The following ITPRID1 variants were observed in gnomAD, a reference collection of about 807,000 sequenced individuals.
ITPRID1 encodes ITPR interacting domain containing 1.
A neutral mutation model predicts 95.4 loss-of-function variants in ITPRID1; 96 were observed. That is an observed-to-expected ratio of 1.01 (90% CI 0.85 to 1.19). The LOEUF (loss-of-function observed/expected upper bound fraction) is 1.19. Ranked by LOEUF, ITPRID1 falls within the 50% of genes most tolerant of loss-of-function variation. ITPRID1 has a pLI of 0.00. For missense variants in ITPRID1, 1,339 were observed against 1,252.9 expected (o/e 1.07, Z -1.04); for synonymous variants, 510 against 453.6 (o/e 1.12, Z -1.58).
At chr7:31,522,786 C>T (rs955935019) in intron 1 of ITPRID1, among the ~76,000 whole-genome samples, 3 of 152,070 alleles carry the variant, frequency 2.0e-5, no homozygotes, top group East Asian at 1.9e-4. Context: ...CCAAAACTCC[C>T]GTATTCTTTA....
intron 10 of ITPRID1, among the ~76,000 whole-genome samples, chr7:31,633,339 G>A (rs939039208): frequency 7.2e-5 from 11 of 152,098 alleles, no homozygotes; most frequent in South Asian, 2.1e-4. Context: ...ATACAAAGAC[G>A]AATTTCCTAA....
chr7:31,648,819 T>C (rs1281698538), intron 12 of ITPRID1, among the ~76,000 whole-genome samples: 1 of 152,224 alleles, frequency 6.6e-6, no homozygotes, highest in Non-Finnish European at 1.5e-5. Context: ...TCAGCTATAC[T>C]GTGGTCCCTG....
intron 10 of ITPRID1, among the ~76,000 whole-genome samples, chr7:31,590,739 C>G (rs771860050): frequency 3.3e-5 from 5 of 152,170 alleles, no homozygotes; most frequent in Admixed American, 3.3e-4. Flanking sequence ...CAGTAAGAAG[C>G]CTGCAAGGAG....
intron 5 of ITPRID1, among the ~76,000 whole-genome samples, chr7:31,566,078 A>G (rs372425622): frequency 5.9e-5 from 9 of 152,170 alleles, no homozygotes; most frequent in African/African-American, 2.2e-4. Context: ...AAGTGACAGG[A>G]CACAGGGCGT....
At chr7:31,538,162 A>G (rs1480129747) in intron 1 of ITPRID1, among the ~76,000 whole-genome samples, 1 of 152,226 alleles carries the variant, frequency 6.6e-6, no homozygotes, top group Non-Finnish European at 1.5e-5. Context: ...AGGCTATACA[A>G]TAAAAAGGAC....
chr7:31,647,693 A>G (rs13306946), intron 12 of ITPRID1, among the ~76,000 whole-genome samples: 236 of 67,368 alleles, frequency 3.5e-3, no homozygotes, highest in African/African-American at 0.012. Context: ...AAAAAAAAAA[A>G]AAGAAGAGGA....
intron 5 of ITPRID1, among the ~76,000 whole-genome samples, chr7:31,562,044 TAAAAAAAA>T (rs33912394): frequency 7.6e-5 from 4 of 52,510 alleles, no homozygotes; most frequent in African/African-American, 1.4e-4. Context: ...GCTATGTATT[TAAAAAAAA>T]AAAAAAAAAA....
intron 1 of ITPRID1, among the ~76,000 whole-genome samples, chr7:31,538,297 G>A (rs753475362): frequency 3.3e-5 from 5 of 152,042 alleles, no homozygotes; most frequent in South Asian, 2.1e-4. Flanking sequence ...AGTGTCTTTC[G>A]AGAGTAAATT....
chr7:31,581,563 T>C (rs1785405701), intron 9 of ITPRID1, among the ~76,000 whole-genome samples: 1 of 152,180 alleles, frequency 6.6e-6, no homozygotes, highest in Admixed American at 6.5e-5. Flanking sequence ...ATTAACCATA[T>C]TATTAAACAA....
At chr7:31,623,449 T>C (rs1039685167) in intron 10 of ITPRID1, among the ~76,000 whole-genome samples, 24 of 151,562 alleles carry the variant, frequency 1.6e-4, no homozygotes, top group Non-Finnish European at 4.4e-5. Flanking sequence ...GCTGGTTCAA[T>C]ATACGCAAAT....
At chr7:31,601,315 T>A (rs544671597) in intron 10 of ITPRID1, among the ~76,000 whole-genome samples, 6 of 152,200 alleles carry the variant, frequency 3.9e-5, no homozygotes, top group Non-Finnish European at 7.3e-5. Flanking sequence ...TTTACACATA[T>A]TAATTCATGG....
chr7:31,642,334 C>G (rs1790099318), intron 11 of ITPRID1, 76 bp downstream of exon 11: 1 of 978,988 alleles, frequency 1.0e-6, no homozygotes, highest in Non-Finnish European at 1.5e-6. Flanking sequence ...GGCTGCCACC[C>G]AAACCTCACT....
intron 1 of ITPRID1, among the ~76,000 whole-genome samples, chr7:31,521,695 TTCCC>T (rs1202958088): frequency 2.0e-5 from 2 of 102,466 alleles, no homozygotes; most frequent in Non-Finnish European, 3.8e-5. Flanking sequence ...TCCTCCTTTA[TTCCC>T]TCCCTCCCTC....
chr7:31,554,643 C>T (rs1489676556), intron 4 of ITPRID1, 120 bp downstream of exon 4: 3 of 1,288,556 alleles, frequency 2.3e-6, no homozygotes, highest in Non-Finnish European at 3.2e-6. Context: ...TTTAATTGTA[C>T]GTGAAGTATT....
intron 9 of ITPRID1, among the ~76,000 whole-genome samples, chr7:31,580,460 C>T (rs1323974335): frequency 1.3e-5 from 2 of 151,946 alleles, no homozygotes; most frequent in Non-Finnish European, 2.9e-5. Flanking sequence ...AATAAAGTTC[C>T]TAGTAAGCCA....
intron 1 of ITPRID1, among the ~76,000 whole-genome samples, chr7:31,526,921 T>C (rs1176683954): frequency 2.0e-5 from 3 of 152,214 alleles, no homozygotes; most frequent in Non-Finnish European, 4.4e-5. Flanking sequence ...AGTCTGATCA[T>C]GTCACTTCCC....
intron 10 of ITPRID1, among the ~76,000 whole-genome samples, chr7:31,599,584 A>ATTTTCT (rs1211859679): frequency 1.6e-5 from 2 of 124,308 alleles, no homozygotes. Context: ...TTGTTGTGTT[A>ATTTTCT]TTTTCTTTCT....
At position 31,620,928 on chromosome 7, in the gene ITPRID1, G is replaced by GAAAGC. The variant is rs1408129119; in HGVS notation, c.1229-21247_1229-21243dup. Among the ~76,000 whole-genome samples the GAAAGC allele has an allele frequency of 7.9e-5, 12 of 152,150 alleles. No individual in the cohort carries two copies. In the East Asian group the frequency reaches 1.7e-3, roughly 22 times the overall value. On this transcript the variant is annotated intron_variant, in intron 10 of 14. Transcript: ENST00000615280. ...AGTGCTTAAAGGAGCTGATGGAGCTGAAAGCCAAGGCTCAAGAACTATGTG... is the reference window on the plus strand; with the variant it reads ...AGTGCTTAAAGGAGCTGATGGAGCTGAAAGCAAAGCCAAGGCTCAAGAACTATGTG...
chr7:31,603,214 A>C (rs1372513072), intron 10 of ITPRID1, among the ~76,000 whole-genome samples: 1 of 152,164 alleles, frequency 6.6e-6, no homozygotes, highest in Non-Finnish European at 1.5e-5. Context: ...ACATTATGAC[A>C]TGGAACCTCA....
Sources: allele counts gnomAD v4.1 joint callset (sites outside exome capture counted in the v4.1 genomes callset), GRCh38; gene constraint gnomAD v4.1.1; transcripts MANE v1.5; gene names NCBI Gene and HGNC (gene_info 2026-07-23, HGNC 2026-07-21).